RTN1: variants seen among roughly 807,000 people sequenced by gnomAD.
RTN1 encodes the protein reticulon-1.
Under a neutral mutation model 65.5 loss-of-function variants are expected in RTN1, and 25 were observed. That is an observed-to-expected ratio of 0.38 (90% CI 0.28 to 0.53). The LOEUF (loss-of-function observed/expected upper bound fraction) is 0.53. Ranked by LOEUF, RTN1 falls within the 20% of genes least tolerant of loss-of-function variation. RTN1 has a pLI of 0.79. For missense variants in RTN1, 983 were observed against 1,025.4 expected (o/e 0.96, Z 0.57); for synonymous variants, 471 against 447.6 (o/e 1.05, Z -0.66).
intron 3 of RTN1, among the ~76,000 whole-genome samples, chr14:59,663,028 T>C (rs1178114753): frequency 2.6e-5 from 4 of 152,188 alleles, no homozygotes. Flanking sequence ...ACTACAAGGC[T>C]ACAGTAACCA....
chr14:59,777,337 C>T (rs1274459045), intron 1 of RTN1, among the ~76,000 whole-genome samples: 1 of 152,084 alleles, frequency 6.6e-6, no homozygotes, highest in African/African-American at 2.4e-5. Flanking sequence ...ACTTTGTACC[C>T]CTCAACACTT....
At chr14:59,742,251 T>C (rs1395505693) in intron 2 of RTN1, among the ~76,000 whole-genome samples, 1 of 152,212 alleles carries the variant, frequency 6.6e-6, no homozygotes, top group Non-Finnish European at 1.5e-5. Context: ...GTTTTAAGGA[T>C]GACTTCCTGA....
intron 3 of RTN1, among the ~76,000 whole-genome samples, chr14:59,665,317 C>T (rs898340669): frequency 3.3e-5 from 5 of 152,094 alleles, no homozygotes; most frequent in African/African-American, 1.2e-4. Flanking sequence ...ATTTTCAACC[C>T]AGAATTTCAT....
At position 59,727,796 on chromosome 14, in the gene RTN1, T is replaced by A. The variant is rs1454534682; in HGVS notation, c.1016-128A>T. 5 of 1,276,612 alleles carry A rather than the reference T, an allele frequency of 3.9e-6. No individual in the cohort carries two copies. The highest frequency in any genetic ancestry group is 5.2e-6 in the Non-Finnish European group (5 of 957,734). 79.1% of individuals were successfully genotyped at this position (1,276,612 alleles called of 1,614,324 possible). A position where few individuals can be genotyped will look rare whatever the true frequency, so the allele number is the denominator to read the frequency against. On this transcript the variant is annotated intron_variant, in intron 2 of 8. Coordinates refer to ENST00000267484, the MANE Select transcript of RTN1 (RefSeq NM_021136.3). The surrounding 1 kb of genome is among the most constrained non-coding windows in gnomAD (Gnocchi z 4.2). ...TTTGTCGTTGCTTGAGAAACACATA[T>A]CTCATTAGCACAAAAATAATCTGTT...
At chr14:59,742,694 T>G (rs7159057) in intron 2 of RTN1, among the ~76,000 whole-genome samples, 61,968 of 152,050 alleles carry the variant, frequency 0.41, 13,184 homozygotes, top group African/African-American at 0.52. Context: ...AACTGGACCC[T>G]TTTTTGCTTA....
At chr14:59,734,362 C>G (rs1177078824) in intron 2 of RTN1, among the ~76,000 whole-genome samples, 1 of 152,192 alleles carries the variant, frequency 6.6e-6, no homozygotes, top group Non-Finnish European at 1.5e-5. Flanking sequence ...CCAGCAAGGG[C>G]TCAGAACTGG....
chr14:59,658,958 ACCCAATG>A (rs1284492334), intron 3 of RTN1, among the ~76,000 whole-genome samples: 2 of 152,154 alleles, frequency 1.3e-5, no homozygotes, highest in Non-Finnish European at 2.9e-5. Flanking sequence ...GCATGTTCTA[ACCCAATG>A]CAAGGAAGCT....
At chr14:59,598,279 A>G (rs2208163) in intron 8 of RTN1, among the ~76,000 whole-genome samples, 149,233 of 152,276 alleles carry the variant, frequency 0.98, 73,198 homozygotes, top group East Asian at 1. Context: ...TAGGATTAGA[A>G]GAAGAGTAAT....
At chr14:59,679,364 T>C (rs1176071072) in intron 3 of RTN1, among the ~76,000 whole-genome samples, 4 of 152,290 alleles carry the variant, frequency 2.6e-5, no homozygotes, top group East Asian at 1.9e-4. Flanking sequence ...ATCTTTACCA[T>C]TGTATCAATG....
intron 3 of RTN1, among the ~76,000 whole-genome samples, chr14:59,699,283 AAAAAT>A (rs1177778400): frequency 6.6e-6 from 1 of 152,076 alleles, no homozygotes; most frequent in Non-Finnish European, 1.5e-5. Context: ...TAAAAAAATA[AAAAAT>A]AAAATAAAAT....
At chr14:59,815,086 G>A (rs943689933) in intron 1 of RTN1, among the ~76,000 whole-genome samples, 1 of 152,146 alleles carries the variant, frequency 6.6e-6, no homozygotes, top group African/African-American at 2.4e-5. Context: ...ATATATTACT[G>A]CTGAGATGCA....
intron 3 of RTN1, among the ~76,000 whole-genome samples, chr14:59,686,122 A>T (rs1401739967): frequency 6.6e-6 from 1 of 152,214 alleles, no homozygotes; most frequent in Non-Finnish European, 1.5e-5. Context: ...TTCCACAGGC[A>T]GAAAAGTGGA....
intron 1 of RTN1, among the ~76,000 whole-genome samples, chr14:59,791,619 G>A (rs928311296): frequency 6.6e-6 from 1 of 152,168 alleles, no homozygotes; most frequent in South Asian, 2.1e-4. Flanking sequence ...GACAGAGGCT[G>A]AAGATGTGCA....
At chr14:59,835,732 G>A (rs891568829) in intron 1 of RTN1, among the ~76,000 whole-genome samples, 2 of 152,032 alleles carry the variant, frequency 1.3e-5, no homozygotes, top group African/African-American at 2.4e-5. Flanking sequence ...TTATGTTAAG[G>A]CTGTGATTAT....
At chr14:59,736,874 AAC>A (rs1000417911) in intron 2 of RTN1, among the ~76,000 whole-genome samples, 2 of 126,612 alleles carry the variant, frequency 1.6e-5, no homozygotes, top group Admixed American at 8.5e-5. Flanking sequence ...TGCAAATCAA[AAC>A]ATGTGATTAA....
chr14:59,731,432 C>T (rs1461210596), intron 2 of RTN1, among the ~76,000 whole-genome samples: 2 of 151,952 alleles, frequency 1.3e-5, no homozygotes, highest in African/African-American at 4.8e-5. Context: ...GATCACAACT[C>T]TGTGAATATA....
intron 2 of RTN1, among the ~76,000 whole-genome samples, chr14:59,742,571 T>C (rs1885136132): frequency 6.6e-6 from 1 of 152,212 alleles, no homozygotes; most frequent in Non-Finnish European, 1.5e-5. Context: ...AATATAAATA[T>C]ATTAGACACC....
At chr14:59,859,570 A>T (rs978875693) in intron 1 of RTN1, among the ~76,000 whole-genome samples, 1 of 152,234 alleles carries the variant, frequency 6.6e-6, no homozygotes, top group African/African-American at 2.4e-5. Flanking sequence ...AAAACATGAA[A>T]AGATACTGAA....
At chr14:59,822,103 A>G (rs1477307830) in intron 1 of RTN1, among the ~76,000 whole-genome samples, 4 of 152,092 alleles carry the variant, frequency 2.6e-5, no homozygotes, top group African/African-American at 9.7e-5. Flanking sequence ...TCTTCTTTGT[A>G]TGTCTGGTAG....
Sources: gnomAD v4.1 joint callset for allele counts (sites outside exome capture counted in the v4.1 genomes callset) on GRCh38, gnomAD v4.1.1 for gene constraint, Gnocchi (gnomAD v3.1) non-coding constraint, MANE v1.5 for transcripts, NCBI Gene and HGNC (gene_info 2026-07-23, HGNC 2026-07-21) for gene names.